The following GRIP1 variants were observed in gnomAD, a reference collection of about 807,000 sequenced individuals.
The protein encoded by GRIP1 is glutamate receptor interacting protein 1.
Under a neutral mutation model 129.9 loss-of-function variants are expected in GRIP1, and 45 were observed. The ratio of observed to expected loss-of-function variants is 0.35; its 90% CI spans 0.27 to 0.44. The LOEUF is 0.44. Ranked by LOEUF, GRIP1 falls within the 20% of genes least tolerant of loss-of-function variation. The pLI is 1.00. For synonymous variants in GRIP1, 530 were observed against 520.8 expected, an observed-to-expected ratio of 1.02 and a Z score of -0.24; for missense variants, 1,196 against 1,396.8, an observed-to-expected ratio of 0.86 and a Z score of 2.29.
chr12:66,984,658 C>T (rs1049321605), intron 1 of GRIP1, among the ~76,000 whole-genome samples: 1 of 152,152 alleles, frequency 6.6e-6, no homozygotes, highest in Non-Finnish European at 1.5e-5. Flanking sequence ...GTCTCACTCT[C>T]GACCATACTA....
intron 20 of GRIP1, 144 bp from the exon 21 acceptor site, chr12:66,377,429 A>C: frequency 3.0e-6 from 2 of 669,022 alleles, no homozygotes; most frequent in Non-Finnish European, 5.4e-6. Context: ...CCGGGTTCAC[A>C]CCATTCTCCT....
intron 1 of GRIP1, among the ~76,000 whole-genome samples, chr12:66,972,855 G>A (rs1430973182): frequency 2.0e-5 from 3 of 152,188 alleles, no homozygotes; most frequent in African/African-American, 7.2e-5. Context: ...AATCTGTTGT[G>A]TATTTGCACA....
chr12:66,735,179 C>T (rs534163614), intron 1 of GRIP1, among the ~76,000 whole-genome samples: 9 of 151,952 alleles, frequency 5.9e-5, no homozygotes, highest in Non-Finnish European at 1.0e-4. Context: ...TTTATAGGAG[C>T]GTGATTGTTC....
intron 1 of GRIP1, among the ~76,000 whole-genome samples, chr12:66,729,295 A>G (rs1416932470): frequency 6.6e-6 from 1 of 152,178 alleles, no homozygotes; most frequent in African/African-American, 2.4e-5. Context: ...GGCTAGTATT[A>G]AGAAAAACCA....
intron 1 of GRIP1, among the ~76,000 whole-genome samples, chr12:66,672,676 C>T (rs547737662): frequency 9.0e-4 from 137 of 152,166 alleles, no homozygotes; most frequent in African/African-American, 3.0e-3. Context: ...CAAACACTGA[C>T]GGCTTGCCTA....
intron 7 of GRIP1, among the ~76,000 whole-genome samples, chr12:66,505,471 G>C (rs992457404): frequency 1.3e-5 from 2 of 152,100 alleles, no homozygotes; most frequent in African/African-American, 2.4e-5. Context: ...TCCTGACCTA[G>C]GCCTTGTGAG....
intron 1 of GRIP1, among the ~76,000 whole-genome samples, chr12:66,612,980 C>T (rs1173002516): frequency 6.6e-6 from 1 of 152,178 alleles, no homozygotes; most frequent in Non-Finnish European, 1.5e-5. Flanking sequence ...CAGAACACTG[C>T]TGTTCACATG....
chr12:66,941,771 A>G (rs184433767), intron 1 of GRIP1, among the ~76,000 whole-genome samples: 1 of 152,250 alleles, frequency 6.6e-6, no homozygotes, highest in Non-Finnish European at 1.5e-5. Flanking sequence ...ATTAAATGGC[A>G]GCCAGTAACG....
intron 1 of GRIP1, among the ~76,000 whole-genome samples, chr12:66,814,641 G>A (rs1364527939): frequency 1.3e-5 from 2 of 150,546 alleles, no homozygotes; most frequent in African/African-American, 4.9e-5. Flanking sequence ...TTACATTCTG[G>A]GGGGAGAATG....
intron 1 of GRIP1, 120 bp from the exon 2 acceptor site, chr12:66,597,047 G>A (rs562444838): frequency 8.6e-5 from 66 of 764,128 alleles, no homozygotes; most frequent in South Asian, 5.2e-4. Context: ...GGAAAGTGTC[G>A]GTAGGCCTGG....
intron 1 of GRIP1, among the ~76,000 whole-genome samples, chr12:66,933,866 A>T (rs1263096848): frequency 1.3e-5 from 2 of 152,174 alleles, no homozygotes; most frequent in African/African-American, 2.4e-5. Context: ...ATTCAGATTT[A>T]CATAATAGTA....
intron 1 of GRIP1, among the ~76,000 whole-genome samples, chr12:66,956,588 T>C (rs1452026423): frequency 1.3e-5 from 2 of 152,186 alleles, no homozygotes; most frequent in Non-Finnish European, 2.9e-5. Context: ...AGAAAGATGT[T>C]AAAGCCACCA....
intron 1 of GRIP1, among the ~76,000 whole-genome samples, chr12:66,888,570 C>T (rs2040604451): frequency 6.6e-6 from 1 of 152,128 alleles, no homozygotes; most frequent in Non-Finnish European, 1.5e-5. Context: ...GCCATGTTGG[C>T]CAGGCTGGTC....
rs886049788 is a variant in GRIP1 at position 66,347,592 on chromosome 12, ATACTT to A, written c.*1422_*1426del. ...ATTAAAGTATTAAATTTGTACAAAA[ATACTT>A]TACAGTTTAATACTTGTTTGTTACA... On this transcript the variant is annotated 3_prime_UTR_variant, in exon 25 of 25. Coordinates refer to ENST00000359742, the MANE Select transcript of GRIP1 (RefSeq NM_001366722.1). The A allele has an allele frequency of 3.9e-5, 6 of 152,258 alleles. No homozygotes were observed. The highest frequency in any genetic ancestry group is 7.3e-5 in the Non-Finnish European group (5 of 68,054). The allele number at this position is 152,258 out of a possible 1,614,324, so 9.4% of individuals were successfully genotyped here. A position where few individuals can be genotyped will look rare whatever the true frequency, so the allele number is the denominator to read the frequency against.
chr12:66,660,950 C>T (rs560954065), intron 1 of GRIP1, among the ~76,000 whole-genome samples: 1 of 151,792 alleles, frequency 6.6e-6, no homozygotes, highest in South Asian at 2.1e-4. Flanking sequence ...ATATATTATA[C>T]AAATATATCA....
At chr12:66,768,028 G>A (rs2097934769) in intron 1 of GRIP1, among the ~76,000 whole-genome samples, 1 of 152,186 alleles carries the variant, frequency 6.6e-6, no homozygotes, top group East Asian at 1.9e-4. Context: ...CTCCAGCAAT[G>A]AGTAATAACA....
At chr12:66,601,843 T>G (rs1156496942) in intron 1 of GRIP1, among the ~76,000 whole-genome samples, 6 of 152,188 alleles carry the variant, frequency 3.9e-5, no homozygotes, top group Admixed American at 3.3e-4. Flanking sequence ...TTGAATTCAA[T>G]TAAATGCCAC....
intron 20 of GRIP1, among the ~76,000 whole-genome samples, chr12:66,378,534 G>A (rs2055928169): frequency 6.6e-6 from 1 of 152,046 alleles, no homozygotes; most frequent in South Asian, 2.1e-4. Context: ...GATCATGAGG[G>A]TCAGGAGTTC....
chr12:66,420,415 G>GAT (rs370474761), intron 15 of GRIP1, among the ~76,000 whole-genome samples: 6 of 127,906 alleles, frequency 4.7e-5, no homozygotes, highest in African/African-American at 1.8e-4. Flanking sequence ...TACTTTCAGG[G>GAT]TTTTTTTTTT....
Sources: gnomAD v4.1 joint callset for allele counts (sites outside exome capture counted in the v4.1 genomes callset) on GRCh38, gnomAD v4.1.1 for gene constraint, MANE v1.5 for transcripts, NCBI Gene and HGNC (gene_info 2026-07-23, HGNC 2026-07-21) for gene names.